Variants in ARHGAP24 observed in about 807,000 individuals in gnomAD.
ARHGAP24 encodes Rho GTPase activating protein 24.
Under a neutral mutation model 76.4 loss-of-function variants are expected in ARHGAP24, and 50 were observed. The observed-to-expected ratio is 0.65, with a 90% CI of 0.52 to 0.83. The LOEUF (loss-of-function observed/expected upper bound fraction) is 0.83. ARHGAP24 is among the 40% of genes least tolerant of loss of function. The pLI is 0.00. For missense variants in ARHGAP24, 930 were observed against 914.2 expected (o/e 1.02, Z -0.22); for synonymous variants, 345 against 323.3 (o/e 1.07, Z -0.72).
chr4:85,583,738 A>G (rs1282160281), intron 2 of ARHGAP24, among the ~76,000 whole-genome samples: 3 of 149,388 alleles, frequency 2.0e-5, no homozygotes, highest in Admixed American at 6.7e-5. Flanking sequence ...ACTCAAACAA[A>G]TTTACAAGAA....
intron 1 of ARHGAP24, among the ~76,000 whole-genome samples, chr4:85,496,081 C>T (rs1387083450): frequency 6.6e-6 from 1 of 152,190 alleles, no homozygotes; most frequent in Admixed American, 6.5e-5. Flanking sequence ...CACTCTTCCT[C>T]CTAGTCACAC....
At chr4:85,491,826 G>A (rs1482880149) in intron 1 of ARHGAP24, among the ~76,000 whole-genome samples, 1 of 152,152 alleles carries the variant, frequency 6.6e-6, no homozygotes, top group Non-Finnish European at 1.5e-5. Context: ...AGTTTCAGCT[G>A]CTTCATGTTC....
At chr4:85,698,239 T>C (rs560359395) in intron 2 of ARHGAP24, among the ~76,000 whole-genome samples, 1 of 152,336 alleles carries the variant, frequency 6.6e-6, no homozygotes, top group East Asian at 1.9e-4. Context: ...GCTTCATTTT[T>C]AGTCATTTGA....
At position 85,504,024 on chromosome 4, in the gene ARHGAP24, G is replaced by T. The variant is rs1034328705; in HGVS notation, c.-21+28465G>T. Reference sequence around the variant, plus strand: ...TGTTCAGTTTCCATGTAGTTGTGTGGTTTTGAGTGAGTTTCTTAATCTGGA... The same window carrying T: ...TGTTCAGTTTCCATGTAGTTGTGTGTTTTTGAGTGAGTTTCTTAATCTGGA... On this transcript the variant is annotated intron_variant, in intron 1 of 9. Transcript: ENST00000395184. Among the ~76,000 whole-genome samples the T allele has an allele frequency of 9.8e-5, 15 of 152,314 alleles. No homozygotes were observed. In the East Asian group the frequency reaches 2.7e-3, roughly 27 times the overall value.
At chr4:85,718,571 T>C (rs1288202185) in intron 2 of ARHGAP24, among the ~76,000 whole-genome samples, 1 of 152,116 alleles carries the variant, frequency 6.6e-6, no homozygotes, top group Non-Finnish European at 1.5e-5. Context: ...TTTACAGAAT[T>C]TCCATACAAT....
At chr4:85,653,912 A>G (rs930889292) in intron 2 of ARHGAP24, among the ~76,000 whole-genome samples, 4 of 152,140 alleles carry the variant, frequency 2.6e-5, no homozygotes, top group African/African-American at 4.8e-5. Context: ...AGAATGTTCT[A>G]TTGAACTCTG....
At chr4:85,972,907 A>G (rs1182589566) in intron 6 of ARHGAP24, among the ~76,000 whole-genome samples, 2 of 152,162 alleles carry the variant, frequency 1.3e-5, no homozygotes, top group Non-Finnish European at 2.9e-5. Context: ...TGTGCCACTT[A>G]TAAGTATTTC....
Position 85,972,159 on chromosome 4 carries a change from A to G in ARHGAP24, c.723A>G (p.Glu241=). Residue 241 remains glutamate, a synonymous_variant, in exon 6 of 10, where the codon GAA becomes GAG. Transcript: ENST00000395184. ...CATGTGCCAAACTGCTCAGCAAGGA[A>G]GAGGAAGCAGTAAGTTGATGCATTT... ...FLSCAKLLSK[E]EEAGVKELAK... is the part of the protein sequence containing the mutation. 1 of 1,613,676 alleles carries G rather than the reference A, an allele frequency of 6.2e-7. No homozygotes were observed. Among genetic ancestry groups the G allele is most frequent in the Non-Finnish European group, 8.5e-7 (1 of 1,179,994 alleles).
chr4:85,631,853 A>T (rs1034438476), intron 2 of ARHGAP24, among the ~76,000 whole-genome samples: 39 of 152,120 alleles, frequency 2.6e-4, no homozygotes, highest in African/African-American at 9.2e-4. Flanking sequence ...GATACAGAAA[A>T]CTGAGGTCAG....
At chr4:85,644,518 T>C (rs1392868795) in intron 2 of ARHGAP24, among the ~76,000 whole-genome samples, 1 of 152,158 alleles carries the variant, frequency 6.6e-6, no homozygotes, top group African/African-American at 2.4e-5. Context: ...TATAGGGTCA[T>C]TTATCAAATA....
At chr4:85,947,183 G>T (rs1179989929) in intron 5 of ARHGAP24, among the ~76,000 whole-genome samples, 2 of 151,860 alleles carry the variant, frequency 1.3e-5, no homozygotes, top group African/African-American at 2.4e-5. Flanking sequence ...TGTTTATTTG[G>T]TTTTTTGCTT....
intron 1 of ARHGAP24, among the ~76,000 whole-genome samples, chr4:85,522,122 C>A (rs1230126104): frequency 6.6e-6 from 1 of 152,026 alleles, no homozygotes; most frequent in African/African-American, 2.4e-5. Context: ...ATTAAAAATT[C>A]ATTAAAACAA....
In ARHGAP24 at chr4:85,957,552, A is replaced by G. The variant is rs1737987814; in HGVS notation, c.600-14484A>G. 3.3e-5 allele frequency among the ~76,000 whole-genome samples: 5 copies of G among 152,158 alleles called. No homozygotes were observed. In the South Asian group the frequency reaches 1.0e-3, roughly 32 times the overall value. ...GGAGAATTGAAATTTAGAAATTAGT[A>G]TTTCTGTTAAGTTATTTGAAGTCAA... On this transcript the variant is annotated intron_variant, in intron 5 of 9. Coordinates refer to ENST00000395184, the MANE Select transcript of ARHGAP24 (RefSeq NM_001025616.3).
intron 2 of ARHGAP24, among the ~76,000 whole-genome samples, chr4:85,668,548 A>T (rs1722717748): frequency 6.6e-6 from 1 of 152,366 alleles, no homozygotes; most frequent in South Asian, 2.1e-4. Context: ...GGCTAGTGGC[A>T]TCTTAGTAGA....
chr4:85,587,176 A>G (rs550055878), intron 2 of ARHGAP24, among the ~76,000 whole-genome samples: 12 of 152,256 alleles, frequency 7.9e-5, no homozygotes, highest in African/African-American at 2.9e-4. Flanking sequence ...ATTAATAGTC[A>G]TGTTTAGTTT....
intron 3 of ARHGAP24, among the ~76,000 whole-genome samples, chr4:85,749,985 C>A (rs1458316176): frequency 6.6e-6 from 1 of 152,142 alleles, no homozygotes; most frequent in African/African-American, 2.4e-5. Context: ...GCAACCCTCT[C>A]TCAGTCATGC....
intron 6 of ARHGAP24, among the ~76,000 whole-genome samples, chr4:85,972,579 T>C (rs1313385891): frequency 1.3e-5 from 2 of 152,240 alleles, no homozygotes; most frequent in Non-Finnish European, 2.9e-5. Context: ...AAGGTATAAT[T>C]TTTATACAAT....
chr4:85,559,299 CATT>C lies in ARHGAP24; in HGVS notation c.-20-11220_-20-11218del, dbSNP rs541697197. On this transcript the variant is annotated intron_variant, in intron 1 of 9. Coordinates refer to ENST00000395184, the MANE Select transcript of ARHGAP24 (RefSeq NM_001025616.3). Reference sequence around the variant, plus strand: ...GAGTTCATTTTAATTGACAAATAAACATTATATACATTGGTCATGTACAACATC... The same window carrying C: ...GAGTTCATTTTAATTGACAAATAAACATATACATTGGTCATGTACAACATC... 1.8e-3 allele frequency among the ~76,000 whole-genome samples: 270 copies of C among 152,298 alleles called. 1 individual carries two copies. Among genetic ancestry groups the C allele is most frequent in the African/African-American group, 6.0e-3 (248 of 41,550 alleles).
intron 5 of ARHGAP24, among the ~76,000 whole-genome samples, chr4:85,967,835 G>A (rs931961514): frequency 2.6e-5 from 4 of 152,104 alleles, no homozygotes; most frequent in Admixed American, 6.6e-5. Context: ...GATCTTCATT[G>A]GCTTTTTTTG....
Sources: gnomAD v4.1 joint callset for allele counts (sites outside exome capture counted in the v4.1 genomes callset) on GRCh38, gnomAD v4.1.1 for gene constraint, MANE v1.5 for transcripts, NCBI Gene and HGNC (gene_info 2026-07-23, HGNC 2026-07-21) for gene names.